Variants in PTPRQ observed in about 807,000 individuals in gnomAD.
PTPRQ encodes the protein phosphatidylinositol phosphatase PTPRQ.
In PTPRQ, 199 loss-of-function variants were observed where a neutral mutation model predicts 246.0. The observed-to-expected ratio is 0.81, with a 90% CI of 0.72 to 0.91. The LOEUF is 0.91. Among genes scored for constraint, PTPRQ ranks in the 40% least tolerant of loss-of-function variants. The pLI is 0.00. For missense variants in PTPRQ, 2,624 were observed against 2,528.4 expected, an observed-to-expected ratio of 1.04 and a Z score of -0.81; for synonymous variants, 869 against 853.2, an observed-to-expected ratio of 1.02 and a Z score of -0.32.
rs1272041857 is a variant in PTPRQ at position 80,444,802 on chromosome 12, C to A, written c.116C>A (p.Thr39Lys). Residue 39 changes from threonine to lysine, a missense_variant, in exon 2 of 45, where the codon ACA becomes AAA. Thr to Lys is a moderately conservative substitution (Grantham distance 78). Transcript: ENST00000644991. ...GATATAACCATCTCTTCAATTTCTACAACATACACCTCACCTGTTACTAGA... is the reference window on the plus strand; with the variant it reads ...GATATAACCATCTCTTCAATTTCTAAAACATACACCTCACCTGTTACTAGA... ...RYDITISSIS[T>K]TYTSPVTRIV... 1 of 1,538,890 alleles carries A rather than the reference C, an allele frequency of 6.5e-7. No homozygotes were observed. Among genetic ancestry groups the A allele is most frequent in the Non-Finnish European group, 8.8e-7 (1 of 1,138,370 alleles).
chr12:80,463,982 A>T (rs1893304723), intron 6 of PTPRQ, among the ~76,000 whole-genome samples: 1 of 152,106 alleles, frequency 6.6e-6, no homozygotes, highest in Non-Finnish European at 1.5e-5. Flanking sequence ...TAAACCAGCT[A>T]ACATCATACT....
At chr12:80,573,328 A>C (rs1897198513) in intron 25 of PTPRQ, among the ~76,000 whole-genome samples, 1 of 152,136 alleles carries the variant, frequency 6.6e-6, no homozygotes, top group African/African-American at 2.4e-5. Flanking sequence ...TCTCTACTAA[A>C]AATAGAAAAA....
intron 25 of PTPRQ, among the ~76,000 whole-genome samples, chr12:80,569,821 G>C (rs1269074779): frequency 6.6e-6 from 1 of 150,992 alleles, no homozygotes; most frequent in Non-Finnish European, 1.5e-5. Context: ...CCACTTATGA[G>C]AACACACGAT....
chr12:80,666,610 C>T lies in PTPRQ; in HGVS notation c.6193-2397C>T, dbSNP rs565473760. 2.0e-5 allele frequency among the ~76,000 whole-genome samples: 3 copies of T among 152,030 alleles called. 1 individual carries two copies. The South Asian group carries it at 6.2e-4, about 32-fold the overall frequency. On this transcript the variant is annotated intron_variant, in intron 39 of 44. Coordinates refer to ENST00000644991, the MANE Select transcript of PTPRQ (RefSeq NM_001145026.2). ...AAATGTTTAAGGAGATGGATGTGCT[C>T]ATTACCCTGACTTGAGTATTACACA...
intron 39 of PTPRQ, among the ~76,000 whole-genome samples, chr12:80,662,619 A>G (rs1900667224): frequency 1.3e-5 from 2 of 152,020 alleles, no homozygotes; most frequent in Non-Finnish European, 2.9e-5. Context: ...GCATTTAATA[A>G]ATACATGTTA....
intron 12 of PTPRQ, among the ~76,000 whole-genome samples, chr12:80,495,666 AT>A (rs1168097288): frequency 6.6e-6 from 1 of 152,080 alleles, no homozygotes; most frequent in Non-Finnish European, 1.5e-5. Flanking sequence ...AAAATAACTC[AT>A]TATTGAAGAC....
chr12:80,635,397 C>G (rs1178045433), intron 35 of PTPRQ, among the ~76,000 whole-genome samples: 1 of 152,006 alleles, frequency 6.6e-6, no homozygotes, highest in East Asian at 1.9e-4. Context: ...TTACATTAAA[C>G]TTTTCTGGAA....
At chr12:80,653,019 G>A (rs574732896) in intron 38 of PTPRQ, among the ~76,000 whole-genome samples, 185 bp downstream of exon 38, 3 of 151,950 alleles carry the variant, frequency 2.0e-5, no homozygotes, top group South Asian at 2.1e-4. Flanking sequence ...GTTAGTATAC[G>A]TGGTTTTCAG....
chr12:80,637,073 A>G (rs1899681362), intron 35 of PTPRQ, among the ~76,000 whole-genome samples: 1 of 152,192 alleles, frequency 6.6e-6, no homozygotes, highest in Non-Finnish European at 1.5e-5. Context: ...CAGCCTGGCT[A>G]GCATGGTGAA....
At position 80,495,241 on chromosome 12, in the gene PTPRQ, T is replaced by C. The variant is rs753476866; in HGVS notation, c.1752T>C (p.Ser584=). Reference sequence around the variant, plus strand: ...ACTATAAAAATATTAGTTCTTCATCTATTTTGTTATATTGGGATCCTCCAG... The same window carrying C: ...ACTATAAAAATATTAGTTCTTCATCCATTTTGTTATATTGGGATCCTCCAG... The part of the protein sequence containing the change: ...IINYKNISSS[S]ILLYWDPPEY... Residue 584 remains serine, a synonymous_variant, in exon 12 of 45, where the codon TCT becomes TCC. Coordinates refer to ENST00000644991, the MANE Select transcript of PTPRQ (RefSeq NM_001145026.2). 6.5e-7 allele frequency: 1 copy of C among 1,540,358 alleles called. No homozygotes were observed. Among genetic ancestry groups the C allele is most frequent in the South Asian group, 1.2e-5 (1 of 80,646 alleles).
At chr12:80,558,139 T>TTTTCTTTTC (rs1896708858) in intron 25 of PTPRQ, among the ~76,000 whole-genome samples, 2 of 128,160 alleles carry the variant, frequency 1.6e-5, no homozygotes, top group East Asian at 4.5e-4. Flanking sequence ...TTTTCTTTTC[T>TTTTCTTTTC]TTTCTTTTCT....
At chr12:80,608,541 A>G (rs1229261863) in intron 27 of PTPRQ, among the ~76,000 whole-genome samples, 1 of 149,230 alleles carries the variant, frequency 6.7e-6, no homozygotes, top group African/African-American at 2.4e-5. Flanking sequence ...AGGCATTGGA[A>G]GAGTATAATT....
intron 8 of PTPRQ, 145 bp from the exon 9 acceptor site, chr12:80,484,288 T>C: frequency 2.9e-6 from 3 of 1,034,028 alleles, no homozygotes; most frequent in South Asian, 1.8e-5. Flanking sequence ...ATTACAGCCA[T>C]GAGCCACCGC....
intron 6 of PTPRQ, chr12:80,465,516 T>C (rs1463957441): frequency 6.6e-6 from 1 of 152,218 alleles, no homozygotes; most frequent in Non-Finnish European, 1.5e-5. Flanking sequence ...GAGGCCAGCA[T>C]CATCCTGATA....
rs1343207437 is a variant in PTPRQ at position 80,541,673 on chromosome 12, C to T, written c.3273C>T (p.Ile1091=). 9.7e-6 allele frequency: 15 copies of T among 1,551,220 alleles called. No individual in the cohort carries two copies. The highest frequency in any genetic ancestry group is 1.3e-5 in the Non-Finnish European group (15 of 1,146,734). The part of the protein sequence containing the change: ...NGLVFYYVSL[I]LQQTPRHVRP... The stretch of plus-strand genomic sequence containing the variant: ...TAGTCTTCTACTATGTTTCACTGAT[C>T]TTACAGCAGACTCCTCGCCATGTGA... The change falls in exon 21 of 45, where the codon ATC becomes ATT. Residue 1091 remains isoleucine (I), a synonymous_variant. Coordinates refer to ENST00000644991, the MANE Select transcript of PTPRQ (RefSeq NM_001145026.2).
At chr12:80,483,295 A>G (rs1284243817) in intron 8 of PTPRQ, among the ~76,000 whole-genome samples, 1 of 143,718 alleles carries the variant, frequency 7.0e-6, no homozygotes, top group Non-Finnish European at 1.5e-5. Flanking sequence ...CAAACGCCGC[A>G]TATTCTCACT....
chr12:80,581,192 G>A lies in PTPRQ; in HGVS notation c.4286-6937G>A, dbSNP rs142513771. Among the ~76,000 whole-genome samples, 570 of 152,202 alleles carry A rather than the reference G, an allele frequency of 3.7e-3. 8 individuals are homozygous for A. Among genetic ancestry groups the A allele is most frequent in the African/African-American group, 0.013 (554 of 41,488 alleles). ...TTTCCCTCTCATTTCCAGTGGTTTA[G>A]CAAACTCTAGGGAGAGAAAATTGAA... On this transcript the variant is annotated intron_variant, in intron 25 of 44. Transcript: ENST00000644991.
intron 25 of PTPRQ, among the ~76,000 whole-genome samples, chr12:80,568,550 G>T (rs1317285874): frequency 6.6e-6 from 1 of 152,164 alleles, no homozygotes; most frequent in Admixed American, 6.5e-5. Context: ...TGTCTTGGCT[G>T]CATATGTAAA....
intron 17 of PTPRQ, among the ~76,000 whole-genome samples, chr12:80,531,153 A>C (rs1895831783): frequency 6.6e-6 from 1 of 152,086 alleles, no homozygotes; most frequent in South Asian, 2.1e-4. Flanking sequence ...ATAATAGCTA[A>C]AGAAATAAAA....
Sources: allele counts gnomAD v4.1 joint callset (sites outside exome capture counted in the v4.1 genomes callset), GRCh38; gene constraint gnomAD v4.1.1; transcripts MANE v1.5; gene names NCBI Gene and HGNC (gene_info 2026-07-23, HGNC 2026-07-21).